The following FRMD5 variants were observed in gnomAD, a reference collection of about 807,000 sequenced individuals.
FRMD5 encodes FERM domain-containing protein 5.
FRMD5 carries 20 observed loss-of-function variants against 69.0 expected under a neutral mutation model. The observed-to-expected ratio is 0.29, with a 90% CI of 0.20 to 0.42. The LOEUF is 0.42. Among genes scored for constraint, FRMD5 ranks in the 10% least tolerant of loss-of-function variants. FRMD5 has a pLI of 1.00. For missense variants in FRMD5, 595 were observed against 708.6 expected, an observed-to-expected ratio of 0.84 and a Z score of 1.82; for synonymous variants, 271 against 260.1, an observed-to-expected ratio of 1.04 and a Z score of -0.40.
intron 1 of FRMD5, among the ~76,000 whole-genome samples, chr15:44,016,859 G>A (rs529419613): frequency 6.8e-6 from 1 of 147,270 alleles, no homozygotes; most frequent in Non-Finnish European, 1.5e-5. Context: ...TTTTGAGACA[G>A]GGTCTCACTC....
At chr15:44,093,014 C>T (rs1395294511) in intron 1 of FRMD5, among the ~76,000 whole-genome samples, 1 of 145,622 alleles carries the variant, frequency 6.9e-6, no homozygotes, top group Non-Finnish European at 1.5e-5. Context: ...TCACCACAAC[C>T]TCTGCCTCCC....
At chr15:44,025,689 G>T (rs958633508) in intron 1 of FRMD5, among the ~76,000 whole-genome samples, 4 of 152,112 alleles carry the variant, frequency 2.6e-5, no homozygotes, top group Non-Finnish European at 5.9e-5. Flanking sequence ...AATTAGAGCT[G>T]GGAGTGTTAA....
At chr15:44,033,223 G>C (rs1361697625) in intron 1 of FRMD5, among the ~76,000 whole-genome samples, 1 of 152,068 alleles carries the variant, frequency 6.6e-6, no homozygotes, top group African/African-American at 2.4e-5. Flanking sequence ...GGAAATAACA[G>C]ACACTGGGTC....
chr15:44,013,530 C>T (rs1368502321), intron 1 of FRMD5, among the ~76,000 whole-genome samples: 2 of 152,098 alleles, frequency 1.3e-5, no homozygotes, highest in African/African-American at 4.8e-5. Context: ...AGTTGCTGAA[C>T]AAATGATTGA....
chr15:44,072,246 G>C (rs752582519), intron 1 of FRMD5, among the ~76,000 whole-genome samples: 1 of 152,096 alleles, frequency 6.6e-6, no homozygotes, highest in African/African-American at 2.4e-5. Context: ...TATCGACCTC[G>C]TAAGTTCTTT....
intron 1 of FRMD5, among the ~76,000 whole-genome samples, chr15:44,144,870 GGCTGGTCCTAAGTGTAGAAA>G (rs1595518682): frequency 1.3e-5 from 2 of 152,156 alleles, no homozygotes. Context: ...TTCTGTAGCA[GGCTGGTCCTAAGTGTAGAAA>G]GCTGGTCCTA....
At chr15:43,950,818 T>G (rs1424270836) in intron 1 of FRMD5, among the ~76,000 whole-genome samples, 2 of 152,232 alleles carry the variant, frequency 1.3e-5, no homozygotes, top group Admixed American at 1.3e-4. Flanking sequence ...AGAGGCTGGC[T>G]GTTTAACAGT....
chr15:43,901,972 C>T (rs2089056401), intron 7 of FRMD5: 3 of 551,630 alleles, frequency 5.4e-6, no homozygotes, highest in Admixed American at 3.4e-5. Context: ...GCCTCGGTTC[C>T]TCTGACATTG....
At chr15:44,107,107 T>C (rs1003280169) in intron 1 of FRMD5, among the ~76,000 whole-genome samples, 1 of 152,184 alleles carries the variant, frequency 6.6e-6, no homozygotes, top group African/African-American at 2.4e-5. Flanking sequence ...CACAATGGTA[T>C]TGTGGGTTGT....
intron 1 of FRMD5, among the ~76,000 whole-genome samples, chr15:44,134,697 T>C (rs1167983176): frequency 6.6e-6 from 1 of 152,080 alleles, no homozygotes; most frequent in African/African-American, 2.4e-5. Flanking sequence ...TGATCCACCC[T>C]CCTCGGCCTC....
At chr15:43,905,680 G>A (rs1297577473) in intron 6 of FRMD5, 148 bp downstream of exon 6, 1 of 982,898 alleles carries the variant, frequency 1.0e-6, no homozygotes, top group Non-Finnish European at 1.5e-6. Context: ...GTGTATCACT[G>A]ACAATGGTAC....
chr15:44,069,217 C>T (rs1160817602), intron 1 of FRMD5, among the ~76,000 whole-genome samples: 1 of 152,140 alleles, frequency 6.6e-6, no homozygotes. Context: ...ATTATTCACA[C>T]ATTGTCAGTG....
chr15:43,960,362 G>A (rs1276270260), intron 1 of FRMD5, among the ~76,000 whole-genome samples: 1 of 152,206 alleles, frequency 6.6e-6, no homozygotes. Flanking sequence ...CCGTTCTCCT[G>A]CCTCAGCCTC....
At chr15:44,193,731 A>C (rs1003052130) in intron 1 of FRMD5, among the ~76,000 whole-genome samples, 1 of 152,256 alleles carries the variant, frequency 6.6e-6, no homozygotes, top group African/African-American at 2.4e-5. Context: ...TGAACTGAGC[A>C]CGGAGTCAGC....
intron 2 of FRMD5, 24 bp downstream of exon 2, chr15:43,924,181 T>A (rs770405448): frequency 6.5e-7 from 1 of 1,543,950 alleles, no homozygotes; most frequent in Non-Finnish European, 9.0e-7. Context: ...CTGTCCTCCT[T>A]TTGTGCTTTG....
chr15:44,123,980 C>A (rs1474647972), intron 1 of FRMD5, among the ~76,000 whole-genome samples: 1 of 151,952 alleles, frequency 6.6e-6, no homozygotes, highest in African/African-American at 2.4e-5. Context: ...TTGTTCATAT[C>A]TTTTGGTTGT....
At chr15:44,159,494 G>C (rs1040991828) in intron 1 of FRMD5, among the ~76,000 whole-genome samples, 5 of 152,160 alleles carry the variant, frequency 3.3e-5, no homozygotes, top group Admixed American at 6.5e-5. Context: ...TGAGACAAAA[G>C]GAATGAATTG....
intron 13 of FRMD5, among the ~76,000 whole-genome samples, chr15:43,880,171 C>T (rs961052628): frequency 6.6e-6 from 1 of 152,170 alleles, no homozygotes; most frequent in Non-Finnish European, 1.5e-5. Flanking sequence ...AGCCAAGTTG[C>T]ATGGTCAGCC....
Position 44,195,115 on chromosome 15 carries a change from C to G in FRMD5, c.-61G>C, listed in dbSNP as rs2078269128. ...GCTGCGGACCCTGGACCAGGCGTCC[C>G]TCAGCCCGGCAGCTCCGCACCGACC... On this transcript the variant is annotated 5_prime_UTR_variant, in exon 1 of 14. Coordinates refer to ENST00000417257, the MANE Select transcript of FRMD5 (RefSeq NM_032892.5). The G allele has an allele frequency of 3.6e-6, 5 of 1,374,052 alleles. No individual in the cohort carries two copies. The highest frequency in any genetic ancestry group is 3.9e-6 in the Non-Finnish European group (4 of 1,030,026). 85.1% of individuals were successfully genotyped at this position (1,374,052 alleles called of 1,614,324 possible). A position where few individuals can be genotyped will look rare whatever the true frequency, so the allele number is the denominator to read the frequency against.
Sources: gnomAD v4.1 joint callset for allele counts (sites outside exome capture counted in the v4.1 genomes callset) on GRCh38, gnomAD v4.1.1 for gene constraint, MANE v1.5 for transcripts, NCBI Gene and HGNC (gene_info 2026-07-23, HGNC 2026-07-21) for gene names.